PPP1CB: variants seen among roughly 807,000 people sequenced by gnomAD.
The protein encoded by PPP1CB is serine/threonine-protein phosphatase PP1-beta catalytic subunit.
Under a neutral mutation model 43.7 loss-of-function variants are expected in PPP1CB, and 2 were observed. That is an observed-to-expected ratio of 0.05 (90% CI 0.02 to 0.14). The LOEUF (loss-of-function observed/expected upper bound fraction) is 0.14, where lower values mean the gene tolerates loss of function less well. Ranked by LOEUF, PPP1CB falls within the 10% of genes least tolerant of loss-of-function variation. The probability of loss-of-function intolerance (pLI) is 1.00; values close to 1 mark genes in which losing one functional copy is unlikely to be tolerated. For missense variants in PPP1CB, 84 were observed against 398.0 expected, an observed-to-expected ratio of 0.21 and a Z score of 6.71; for synonymous variants, 136 against 135.6, an observed-to-expected ratio of 1.00 and a Z score of -0.02.
chr2:28,778,510 T>G (rs982190109), intron 2 of PPP1CB: 6 of 492,378 alleles, frequency 1.2e-5, no homozygotes, highest in African/African-American at 1.2e-4. Flanking sequence ...AATGAGCTGT[T>G]GGTCAGAGGC....
chr2:28,768,611 T>C (rs146901808), intron 1 of PPP1CB, among the ~76,000 whole-genome samples: 91 of 152,280 alleles, frequency 6.0e-4, no homozygotes, highest in African/African-American at 2.1e-3. Flanking sequence ...CTGCCTAAGA[T>C]TGAAGGCAAA....
intron 6 of PPP1CB, among the ~76,000 whole-genome samples, chr2:28,791,017 T>A (rs1310385135): frequency 6.6e-6 from 1 of 152,268 alleles, no homozygotes. Flanking sequence ...GAATCTCTGT[T>A]GCTTTATATA....
chr2:28,802,115 G>A lies in PPP1CB; in HGVS notation c.*2812G>A, dbSNP rs554895643. 13 of 152,244 alleles carry A rather than the reference G, an allele frequency of 8.5e-5. No homozygotes were observed. The highest frequency in any genetic ancestry group is 2.9e-4 in the African/African-American group (12 of 41,542). 9.4% of individuals were successfully genotyped at this position (152,244 alleles called of 1,614,324 possible). On this transcript the variant is annotated 3_prime_UTR_variant, in exon 8 of 8. Transcript: ENST00000395366. The stretch of plus-strand genomic sequence containing the variant: ...GCTTAAAATAGGTGGTAAATTTGAA[G>A]TATGAGTGTGTTCACGAGAAACATA...
At chr2:28,783,781 G>T in intron 4 of PPP1CB, 126 bp from the exon 5 acceptor site, 1 of 649,804 alleles carries the variant, frequency 1.5e-6, no homozygotes, top group East Asian at 2.9e-5. Flanking sequence ...ACGTTAAAAG[G>T]AACACTTTTC....
upstream of PPP1CB, chr2:28,751,697 A>T: frequency 4.6e-6 from 1 of 216,354 alleles, no homozygotes; most frequent in African/African-American, 2.4e-5. Flanking sequence ...GCGGCGGCCC[A>T]GGCGTCGAGG....
chr2:28,753,936 C>G (rs985757922), intron 1 of PPP1CB, among the ~76,000 whole-genome samples: 2 of 151,960 alleles, frequency 1.3e-5, no homozygotes, highest in African/African-American at 4.8e-5. Context: ...GGAGGTTTCA[C>G]CATCTTGGCC....
rs943196284 is a variant in PPP1CB, at chr2:28,800,169, T to C, written c.*866T>C. 2.0e-5 allele frequency: 3 copies of C among 152,224 alleles called. No homozygotes were observed. The highest frequency in any genetic ancestry group is 2.9e-5 in the Non-Finnish European group (2 of 67,888). The allele number at this position is 152,224 out of a possible 1,614,324, so 9.4% of individuals were successfully genotyped here. On this transcript the variant is annotated 3_prime_UTR_variant, in exon 8 of 8. Coordinates refer to ENST00000395366, the MANE Select transcript of PPP1CB (RefSeq NM_002709.3). ...CATTCGCACGGAACACCTTTTGGCA[T>C]GCTTAACTTCCTGGTAACACCTTCA...
chr2:28,760,082 G>A (rs180769210), intron 1 of PPP1CB, among the ~76,000 whole-genome samples: 3 of 152,234 alleles, frequency 2.0e-5, no homozygotes, highest in Admixed American at 2.0e-4. Flanking sequence ...GGAATATAGT[G>A]TTACTGATGA....
intron 1 of PPP1CB, among the ~76,000 whole-genome samples, chr2:28,774,323 G>C (rs1353139561): frequency 6.6e-6 from 1 of 152,194 alleles, no homozygotes; most frequent in African/African-American, 2.4e-5. Context: ...CTAATACACA[G>C]TAGACTCTCA....
At chr2:28,777,884 C>A (rs1667074665) in intron 2 of PPP1CB, among the ~76,000 whole-genome samples, 1 of 152,166 alleles carries the variant, frequency 6.6e-6, no homozygotes, top group Non-Finnish European at 1.5e-5. Context: ...GAATTCCTGA[C>A]CTCAGGTGAT....
At chr2:28,789,326 A>G (rs1558309566) in intron 6 of PPP1CB, among the ~76,000 whole-genome samples, 1 of 151,856 alleles carries the variant, frequency 6.6e-6, no homozygotes, top group East Asian at 2.0e-4. Flanking sequence ...GGGCAACAAA[A>G]TGAGATTCCA....
chr2:28,783,552 T>A (rs1232010009), intron 4 of PPP1CB, among the ~76,000 whole-genome samples: 4 of 151,946 alleles, frequency 2.6e-5, no homozygotes, highest in Admixed American at 2.6e-4. Flanking sequence ...GGTCAAGAGA[T>A]CGAGACCAGC....
chr2:28,787,739 T>C (rs1235679725), intron 5 of PPP1CB, among the ~76,000 whole-genome samples: 1 of 152,224 alleles, frequency 6.6e-6, no homozygotes, highest in Non-Finnish European at 1.5e-5. Flanking sequence ...TTTGTCTTGA[T>C]CATTCCTTCT....
intron 1 of PPP1CB, among the ~76,000 whole-genome samples, chr2:28,768,521 A>C (rs1666831212): frequency 6.6e-6 from 1 of 152,218 alleles, no homozygotes; most frequent in African/African-American, 2.4e-5. Flanking sequence ...CCAGAGAGGC[A>C]AAAATGGAAG....
intron 7 of PPP1CB, 126 bp downstream of exon 7, chr2:28,794,123 C>A: frequency 1.4e-6 from 1 of 699,418 alleles, no homozygotes. Flanking sequence ...AAGTGATTAC[C>A]ACTCAAACTC....
intron 1 of PPP1CB, among the ~76,000 whole-genome samples, chr2:28,755,157 A>C (rs1443603057): frequency 6.6e-6 from 1 of 152,008 alleles, no homozygotes; most frequent in Admixed American, 6.6e-5. Context: ...CCAAGCGATT[A>C]TTCTGCCTCA....
chr2:28,765,242 T>G (rs943811130), intron 1 of PPP1CB, among the ~76,000 whole-genome samples: 2 of 152,220 alleles, frequency 1.3e-5, no homozygotes, highest in Non-Finnish European at 2.9e-5. Context: ...TCAAAGTTAA[T>G]GTTCTCTGTC....
intron 1 of PPP1CB, among the ~76,000 whole-genome samples, chr2:28,772,248 C>CCATG (rs1318690043): frequency 6.6e-6 from 1 of 152,048 alleles, no homozygotes; most frequent in East Asian, 1.9e-4. Flanking sequence ...TTGCAGTGAG[C>CCATG]CATGATCTTG....
At chr2:28,758,692 T>C (rs1666547138) in intron 1 of PPP1CB, among the ~76,000 whole-genome samples, 2 of 152,352 alleles carry the variant, frequency 1.3e-5, no homozygotes, top group African/African-American at 4.8e-5. Context: ...AGTTGTCCTT[T>C]ATTCTGCCTC....
Sources: gnomAD v4.1 joint callset for allele counts (sites outside exome capture counted in the v4.1 genomes callset) on GRCh38, gnomAD v4.1.1 for gene constraint, MANE v1.5 for transcripts, NCBI Gene and HGNC (gene_info 2026-07-23, HGNC 2026-07-21) for gene names.